The following CTXN2 variants were observed in gnomAD, a reference collection of about 807,000 sequenced individuals.
The protein encoded by CTXN2 is cortexin 2, also known as cortexin-2.
In CTXN2, 3 loss-of-function variants were observed where a neutral mutation model predicts 5.7. That is an observed-to-expected ratio of 0.53 (90% confidence interval 0.24 to 1.36). CTXN2 has a LOEUF of 1.36. CTXN2 is among the 40% of genes most tolerant of loss of function. The pLI is 0.17. For synonymous variants in CTXN2, 38 were observed against 36.4 expected, an observed-to-expected ratio of 1.04 and a Z score of -0.16; for missense variants, 87 against 93.0, an observed-to-expected ratio of 0.94 and a Z score of 0.26.
intron 1 of CTXN2, among the ~76,000 whole-genome samples, chr15:48,182,642 G>A (rs768733168): frequency 3.3e-5 from 5 of 152,162 alleles, no homozygotes; most frequent in Non-Finnish European, 7.3e-5. Context: ...TATGCAATAT[G>A]CAGTATGTAT....
At chr15:48,185,076 A>G (rs1351594244) in intron 1 of CTXN2, among the ~76,000 whole-genome samples, 1 of 152,284 alleles carries the variant, frequency 6.6e-6, no homozygotes, top group East Asian at 1.9e-4. Flanking sequence ...ATGACTCTAT[A>G]CATACATTCT....
chr15:48,188,805 T>A (rs974643463), upstream of CTXN2, among the ~76,000 whole-genome samples: 3 of 152,210 alleles, frequency 2.0e-5, no homozygotes, highest in South Asian at 6.2e-4. Flanking sequence ...TTGTAAAAGT[T>A]GGGCAGTAGA....
chr15:48,193,009 A>C (rs2040839118), intron 1 of CTXN2, among the ~76,000 whole-genome samples: 1 of 152,206 alleles, frequency 6.6e-6, no homozygotes, highest in African/African-American at 2.4e-5. Flanking sequence ...CAGGTATAAA[A>C]ATACTATCAT....
At chr15:48,193,275 A>G (rs1362776950) in intron 1 of CTXN2, among the ~76,000 whole-genome samples, 1 of 152,200 alleles carries the variant, frequency 6.6e-6, no homozygotes, top group Non-Finnish European at 1.5e-5. Flanking sequence ...TCCAGTGAAT[A>G]TGGCTCAAGA....
upstream of CTXN2, among the ~76,000 whole-genome samples, chr15:48,187,448 G>T (rs1202253432): frequency 2.0e-5 from 3 of 152,056 alleles, no homozygotes; most frequent in Non-Finnish European, 1.5e-5. Flanking sequence ...AAATTAAAAA[G>T]CACAGCTACA....
At chr15:48,184,332 A>T (rs1182034864) in intron 1 of CTXN2, among the ~76,000 whole-genome samples, 4 of 152,202 alleles carry the variant, frequency 2.6e-5, no homozygotes, top group African/African-American at 9.6e-5. Context: ...GATACCAAAT[A>T]TACAACTGTT....
upstream of CTXN2, among the ~76,000 whole-genome samples, chr15:48,188,308 G>A (rs1243385053): frequency 6.6e-6 from 1 of 152,068 alleles, no homozygotes; most frequent in African/African-American, 2.4e-5. Flanking sequence ...GGCATCCCTA[G>A]TAGCTAAAAT....
intron 1 of CTXN2, among the ~76,000 whole-genome samples, chr15:48,179,619 G>A (rs1259896580): frequency 1.3e-5 from 2 of 151,942 alleles, no homozygotes; most frequent in African/African-American, 4.8e-5. Context: ...TAACTCCCTG[G>A]GCAAGTCACC....
At chr15:48,190,339 C>A (rs2140975323), upstream of CTXN2, among the ~76,000 whole-genome samples, 1 of 152,294 alleles carries the variant, frequency 6.6e-6, no homozygotes, top group Non-Finnish European at 1.5e-5. Context: ...TCAATAAAAC[C>A]ATGGCCATGG....
rs1432652432 is a variant in CTXN2, at chr15:48,202,740, A to C, written c.*1194A>C. 6.0e-6 allele frequency: 1 copy of C among 167,012 alleles called. No homozygotes were observed. The highest frequency in any genetic ancestry group is 1.5e-5 in the Non-Finnish European group (1 of 68,110). The allele number at this position is 167,012 out of a possible 1,614,324, so 10.3% of individuals were successfully genotyped here. The stretch of plus-strand genomic sequence containing the variant: ...GTAATAGAGATTCTCAAACCCTAAG[A>C]AGCAATGGCTTAGTGTAAATTATTC... On this transcript the variant is annotated 3_prime_UTR_variant, in exon 2 of 2. Coordinates refer to ENST00000417307, the MANE Select transcript of CTXN2 (RefSeq NM_001145668.2).
intron 1 of CTXN2, among the ~76,000 whole-genome samples, chr15:48,182,346 C>T (rs2140967741): frequency 6.6e-6 from 1 of 152,346 alleles, no homozygotes; most frequent in South Asian, 2.1e-4. Flanking sequence ...AAAATAACCT[C>T]CATTGCCTTC....
chr15:48,196,297 C>T (rs1263124385), intron 1 of CTXN2, among the ~76,000 whole-genome samples: 1 of 152,074 alleles, frequency 6.6e-6, no homozygotes, highest in African/African-American at 2.4e-5. Context: ...TATGTTCTAG[C>T]TTCAACCCAG....
intron 1 of CTXN2, among the ~76,000 whole-genome samples, chr15:48,179,887 T>C (rs2040681056): frequency 6.6e-6 from 1 of 152,144 alleles, no homozygotes; most frequent in South Asian, 2.1e-4. Flanking sequence ...GAATTCAGTA[T>C]GAAAATTGAA....
At chr15:48,186,014 A>ACTTCTTCT (rs2040750139) in intron 1 of CTXN2, among the ~76,000 whole-genome samples, 1 of 152,212 alleles carries the variant, frequency 6.6e-6, no homozygotes, top group Non-Finnish European at 1.5e-5. Context: ...TTATGTTAGA[A>ACTTCTTCT]AACTGCTCTT....
intron 1 of CTXN2, among the ~76,000 whole-genome samples, chr15:48,197,065 A>G (rs1378207736): frequency 6.6e-6 from 1 of 151,202 alleles, no homozygotes; most frequent in Non-Finnish European, 1.5e-5. Context: ...TTAAAAAGAC[A>G]GAAGTAGATT....
rs1176511185 is a variant in CTXN2, at chr15:48,201,358, G to A, written c.58G>A (p.Ala20Thr). 6.4e-7 allele frequency: 1 copy of A among 1,551,346 alleles called. No homozygotes were observed. Among genetic ancestry groups the A allele is most frequent in the Non-Finnish European group, 8.7e-7 (1 of 1,146,716 alleles). ...TAAGATGAGTGTCAACGAAGTATCA[G>A]CTTTCTCATTGACTCTGGAGCAAAA... ...SAKMSVNEVS[A>T]FSLTLEQKTG... The change falls in exon 2 of 2, where the codon GCT becomes ACT. Residue 20 changes from alanine to threonine, a missense_variant. Transcript: ENST00000417307.
chr15:48,180,597 C>G (rs2040693292), intron 1 of CTXN2, among the ~76,000 whole-genome samples: 1 of 152,170 alleles, frequency 6.6e-6, no homozygotes. Flanking sequence ...CTGCAAGCTC[C>G]ACCTCCCGCG....
At chr15:48,198,702 T>C (rs1261274965) in intron 1 of CTXN2, among the ~76,000 whole-genome samples, 1 of 152,112 alleles carries the variant, frequency 6.6e-6, no homozygotes, top group Non-Finnish European at 1.5e-5. Context: ...GGTTAGTAGG[T>C]TTTAAGAAAA....
At chr15:48,193,910 T>C (rs2040851507) in intron 1 of CTXN2, among the ~76,000 whole-genome samples, 1 of 152,118 alleles carries the variant, frequency 6.6e-6, no homozygotes, top group Non-Finnish European at 1.5e-5. Flanking sequence ...GCCAATTGTT[T>C]GAAAAATTTA....
Sources: gnomAD v4.1 joint callset for allele counts (sites outside exome capture counted in the v4.1 genomes callset) on GRCh38, gnomAD v4.1.1 for gene constraint, MANE v1.5 for transcripts, NCBI Gene and HGNC (gene_info 2026-07-23, HGNC 2026-07-21) for gene names.